Variants in OLFM3 observed in about 807,000 individuals in gnomAD.
OLFM3 encodes the protein noelin-3.
Under a neutral mutation model 48.6 loss-of-function variants are expected in OLFM3, and 20 were observed. That is an observed-to-expected ratio of 0.41 (90% CI 0.29 to 0.60). OLFM3 has a LOEUF of 0.60. Ranked by LOEUF, OLFM3 falls within the 20% of genes least tolerant of loss-of-function variation. The pLI, the probability that OLFM3 is intolerant of heterozygous loss-of-function variation, is 0.28. For missense variants in OLFM3, 437 were observed against 544.3 expected (o/e 0.80, Z 1.96); for synonymous variants, 222 against 198.1 (o/e 1.12, Z -1.01).
intron 1 of OLFM3, among the ~76,000 whole-genome samples, chr1:101,948,316 T>C (rs1438669324): frequency 6.6e-6 from 1 of 152,176 alleles, no homozygotes; most frequent in Admixed American, 6.5e-5. Flanking sequence ...AGATAATGAA[T>C]GAGCAAATTT....
At chr1:101,985,384 C>T (rs79528038) in intron 1 of OLFM3, among the ~76,000 whole-genome samples, 1 of 152,140 alleles carries the variant, frequency 6.6e-6, no homozygotes, top group East Asian at 1.9e-4. Context: ...AGTCAATATA[C>T]AATTTTTATT....
intron 1 of OLFM3, among the ~76,000 whole-genome samples, chr1:101,918,009 C>T (rs1196026980): frequency 1.3e-5 from 2 of 152,096 alleles, no homozygotes; most frequent in Non-Finnish European, 2.9e-5. Context: ...CACATTTTAT[C>T]GTTCTTCCCT....
intron 1 of OLFM3, 39 bp from the exon 2 acceptor site, chr1:101,837,064 G>A: frequency 6.3e-7 from 1 of 1,576,902 alleles, no homozygotes; most frequent in Admixed American, 1.8e-5. Context: ...ACAGACTCCT[G>A]TTATAGGATA....
chr1:101,832,379 A>G (rs1655202485), intron 2 of OLFM3, among the ~76,000 whole-genome samples: 1 of 152,214 alleles, frequency 6.6e-6, no homozygotes, highest in Non-Finnish European at 1.5e-5. Flanking sequence ...ATTCCTTAGA[A>G]CTATAATATT....
intron 4 of OLFM3, among the ~76,000 whole-genome samples, chr1:101,823,291 A>G (rs2100894757): frequency 6.6e-6 from 1 of 152,218 alleles, no homozygotes; most frequent in South Asian, 2.1e-4. Flanking sequence ...GGAAGTGCCT[A>G]GCGAGGACAC....
intron 1 of OLFM3, among the ~76,000 whole-genome samples, chr1:101,948,010 G>A (rs1401113361): frequency 6.6e-6 from 1 of 151,956 alleles, no homozygotes; most frequent in Non-Finnish European, 1.5e-5. Context: ...TTAGAGGCCT[G>A]GAAATTATCA....
chr1:101,884,220 A>G (rs1657653014), intron 1 of OLFM3, among the ~76,000 whole-genome samples: 1 of 151,996 alleles, frequency 6.6e-6, no homozygotes, highest in African/African-American at 2.4e-5. Flanking sequence ...ATGTTTTATA[A>G]AAAAGAAAAG....
At chr1:101,902,033 G>T (rs1368805954) in intron 1 of OLFM3, among the ~76,000 whole-genome samples, 1 of 151,944 alleles carries the variant, frequency 6.6e-6, no homozygotes, top group Non-Finnish European at 1.5e-5. Context: ...GTTAAAAATA[G>T]AACTTGTCTC....
At chr1:101,901,968 G>A (rs1038930102) in intron 1 of OLFM3, among the ~76,000 whole-genome samples, 14 of 152,084 alleles carry the variant, frequency 9.2e-5, no homozygotes, top group South Asian at 4.1e-4. Flanking sequence ...AATCATCTGC[G>A]TGGAGATGAG....
At chr1:101,920,726 C>T (rs538282491) in intron 1 of OLFM3, among the ~76,000 whole-genome samples, 210 of 152,252 alleles carry the variant, frequency 1.4e-3, no homozygotes, top group African/African-American at 4.9e-3. Context: ...TGCCAGAGCT[C>T]TTGTATCAGC....
intron 4 of OLFM3, among the ~76,000 whole-genome samples, chr1:101,809,147 A>C (rs1039222886): frequency 1.3e-5 from 2 of 151,684 alleles, no homozygotes; most frequent in African/African-American, 4.8e-5. Context: ...GGAGAGAGAA[A>C]AAGAGGGGAG....
intron 1 of OLFM3, among the ~76,000 whole-genome samples, chr1:101,985,096 G>T (rs929954222): frequency 2.6e-5 from 4 of 152,130 alleles, no homozygotes; most frequent in African/African-American, 9.7e-5. Context: ...GCATATGTTG[G>T]CTTGTGCATC....
At chr1:101,912,316 T>C (rs4908199) in intron 1 of OLFM3, among the ~76,000 whole-genome samples, 69,562 of 151,996 alleles carry the variant, frequency 0.46, 16,068 homozygotes, top group East Asian at 0.59. Flanking sequence ...TAATAGGAGA[T>C]CTGGGCCAGA....
chr1:101,925,260 T>C (rs1349772896), intron 1 of OLFM3, among the ~76,000 whole-genome samples: 5 of 152,044 alleles, frequency 3.3e-5, no homozygotes, highest in Non-Finnish European at 7.4e-5. Context: ...TTGTCTTTTT[T>C]TTTTCTATAA....
intron 1 of OLFM3, among the ~76,000 whole-genome samples, chr1:101,899,778 C>T: frequency 6.6e-6 from 1 of 152,000 alleles, no homozygotes; most frequent in African/African-American, 2.4e-5. Flanking sequence ...TGAATAAATA[C>T]ATTTAAAAAT....
chr1:101,962,928 A>G (rs1332458727), intron 1 of OLFM3, among the ~76,000 whole-genome samples: 1 of 152,216 alleles, frequency 6.6e-6, no homozygotes, highest in Non-Finnish European at 1.5e-5. Flanking sequence ...TTGGGCTGCT[A>G]GTTAAATTTG....
At chr1:101,991,016 A>AAAAATATTT in intron 1 of OLFM3, among the ~76,000 whole-genome samples, 1 of 32,220 alleles carries the variant, frequency 3.1e-5, no homozygotes, top group South Asian at 1.5e-3. Context: ...AAAAAAAAAA[A>AAAAATATTT]ATATATATAT....
In OLFM3 at chr1:101,817,225, A is replaced by G. The variant is rs1570512849; in HGVS notation, c.592+7801T>C. 4.6e-5 allele frequency among the ~76,000 whole-genome samples: 7 copies of G among 152,284 alleles called. No individual in the cohort carries two copies. The South Asian group carries it at 1.5e-3, about 32-fold the overall frequency. On this transcript the variant is annotated intron_variant, in intron 4 of 5. Transcript: ENST00000370103. ...GCCAGACAGAGAGGATAATTTTCCC[A>G]AATGCCTGGAAGACAAATGTTCCTG...
At chr1:101,986,241 G>A (rs182718681) in intron 1 of OLFM3, among the ~76,000 whole-genome samples, 1 of 152,272 alleles carries the variant, frequency 6.6e-6, no homozygotes, top group Admixed American at 6.5e-5. Flanking sequence ...TGGGATTACA[G>A]GAGTGAGCCA....
Sources: gnomAD v4.1 joint callset for allele counts (sites outside exome capture counted in the v4.1 genomes callset) on GRCh38, gnomAD v4.1.1 for gene constraint, MANE v1.5 for transcripts, NCBI Gene and HGNC (gene_info 2026-07-23, HGNC 2026-07-21) for gene names.